Variants in NEDD4 observed in about 807,000 individuals in gnomAD.
NEDD4 encodes NEDD4 E3 ubiquitin protein ligase.
NEDD4 carries 99 observed loss-of-function variants against 144.9 expected under a neutral mutation model. The observed-to-expected ratio is 0.68, with a 90% CI of 0.58 to 0.81. The LOEUF (loss-of-function observed/expected upper bound fraction) is 0.81. Among genes scored for constraint, NEDD4 ranks in the 30% least tolerant of loss-of-function variants. The pLI is 0.00. For missense variants in NEDD4, 985 were observed against 1,065.9 expected (o/e 0.92, Z 1.06); for synonymous variants, 318 against 350.6 (o/e 0.91, Z 1.04).
Position 55,872,487 on chromosome 15 carries a change from A to G in NEDD4, c.343-11T>C. 2 of 1,368,472 alleles carry G rather than the reference A, an allele frequency of 1.5e-6. No homozygotes were observed. The highest frequency in any genetic ancestry group is 5.1e-5 in the Admixed American group (2 of 39,236). 84.8% of individuals were successfully genotyped at this position (1,368,472 alleles called of 1,614,324 possible). The stretch of plus-strand genomic sequence containing the variant: ...TCTTGGATTTTCTGTCTAGAATAAA[A>G]TAGTGGGTTTTCAAAATATATCTAT... On this transcript the variant is annotated splice_polypyrimidine_tract_variant and intron_variant, in intron 6 of 28. Transcript: ENST00000435532.
Position 55,924,716 on chromosome 15 carries a change from CT to C in NEDD4, c.238-18del. ...AGGATGAACCTAAGAAAAACACAAT[CT>C]TTATTTAAAAACAAGTAAACATCAA... On this transcript the variant is annotated intron_variant, in intron 4 of 28. Coordinates refer to ENST00000435532, the MANE Select transcript of NEDD4 (RefSeq NM_006154.4). The C allele has an allele frequency of 6.2e-7, 1 of 1,600,944 alleles. No homozygotes were observed. The highest frequency in any genetic ancestry group is 8.5e-7 in the Non-Finnish European group (1 of 1,173,352).
chr15:55,936,349 T>C (rs1404209104), intron 4 of NEDD4, among the ~76,000 whole-genome samples: 1 of 151,874 alleles, frequency 6.6e-6, no homozygotes, highest in Non-Finnish European at 1.5e-5. Context: ...GAGAAATAGG[T>C]ATAGAAAAAA....
rs1279153866 is a variant in NEDD4, at chr15:55,976,934, A to C, written c.46-10388T>G. Among the ~76,000 whole-genome samples the C allele has an allele frequency of 2.0e-5, 3 of 152,124 alleles. No individual in the cohort carries two copies. In the South Asian group the frequency reaches 6.2e-4, roughly 32 times the overall value. ...AGGTGTGAGCCACCGTGCCTAGCCAACATTTTTAAAATTTTAAAAGATCAA... is the reference window on the plus strand; with the variant it reads ...AGGTGTGAGCCACCGTGCCTAGCCACCATTTTTAAAATTTTAAAAGATCAA... On this transcript the variant is annotated intron_variant, in intron 1 of 28. Coordinates refer to ENST00000435532, the MANE Select transcript of NEDD4 (RefSeq NM_006154.4).
rs747476638 is a variant in NEDD4, at chr15:55,855,447, GA to G, written c.1026+683del. Among the ~76,000 whole-genome samples, 296 of 152,312 alleles carry G rather than the reference GA, an allele frequency of 1.9e-3. 1 individual carries two copies. The highest frequency in any genetic ancestry group is 2.4e-3 in the Non-Finnish European group (166 of 68,034). ...AGGCAGCAGGAGGCTTCTGTTGGGG[GA>G]TAAGGAGAAGGGTAGGCTGAAGAGG... On this transcript the variant is annotated intron_variant, in intron 12 of 28. Transcript: ENST00000435532.
intron 1 of NEDD4, among the ~76,000 whole-genome samples, chr15:55,979,836 TA>T (rs1169445061): frequency 6.6e-6 from 1 of 152,158 alleles, no homozygotes; most frequent in Admixed American, 6.5e-5. Context: ...TCTGAGGCAA[TA>T]AACTTTATGC....
chr15:55,977,601 A>G (rs1336784700), intron 1 of NEDD4, among the ~76,000 whole-genome samples: 1 of 152,178 alleles, frequency 6.6e-6, no homozygotes, highest in Non-Finnish European at 1.5e-5. Flanking sequence ...AAATAAAATT[A>G]AATATATAGC....
At chr15:55,930,929 C>T (rs889194461) in intron 4 of NEDD4, among the ~76,000 whole-genome samples, 1 of 152,102 alleles carries the variant, frequency 6.6e-6, no homozygotes, top group African/African-American at 2.4e-5. Context: ...GTCTTGGGTA[C>T]GTCTTTACTA....
rs777906774 is a variant in NEDD4 at position 55,860,653 on chromosome 15, A to T, written c.792+8T>A. 4 of 1,612,132 alleles carry T rather than the reference A, an allele frequency of 2.5e-6. No homozygotes were observed. Among genetic ancestry groups the T allele is most frequent in the Non-Finnish European group, 3.4e-6 (4 of 1,179,768 alleles). On this transcript the variant is annotated splice_region_variant and intron_variant, in intron 10 of 28. Coordinates refer to ENST00000435532, the MANE Select transcript of NEDD4 (RefSeq NM_006154.4). The stretch of plus-strand genomic sequence containing the variant: ...GTCTTTCAAGGAGAACTAGGAAACT[A>T]CTTATACCTCGGAAGACTCTCGGTT...
chr15:55,838,837 G>A (rs554281148), intron 21 of NEDD4, among the ~76,000 whole-genome samples: 1 of 152,102 alleles, frequency 6.6e-6, no homozygotes, highest in Admixed American at 6.6e-5. Flanking sequence ...TTAATCAATT[G>A]GTGCCTACTT....
At chr15:55,889,981 G>C (rs1331160650) in intron 5 of NEDD4, among the ~76,000 whole-genome samples, 1 of 152,116 alleles carries the variant, frequency 6.6e-6, no homozygotes, top group African/African-American at 2.4e-5. Flanking sequence ...AGGATTACAG[G>C]CATGAACCAC....
chr15:55,845,606 T>C (rs1314388063), intron 18 of NEDD4, among the ~76,000 whole-genome samples: 1 of 152,050 alleles, frequency 6.6e-6, no homozygotes, highest in African/African-American at 2.4e-5. Context: ...AATTAGATAC[T>C]ACAACATGTT....
At chr15:55,964,938 G>A (rs569048687) in intron 2 of NEDD4, among the ~76,000 whole-genome samples, 3 of 151,722 alleles carry the variant, frequency 2.0e-5, no homozygotes, top group Non-Finnish European at 4.4e-5. Flanking sequence ...AAAAGAGGCT[G>A]GCACACCTCC....
intron 5 of NEDD4, among the ~76,000 whole-genome samples, chr15:55,886,753 G>A (rs1197639875): frequency 1.2e-4 from 15 of 120,646 alleles, no homozygotes; most frequent in Admixed American, 2.7e-4. Context: ...GCAAGACTCC[G>A]TCTCAAAAAA....
chr15:55,929,201 T>C (rs1434535891), intron 4 of NEDD4, among the ~76,000 whole-genome samples: 1 of 152,136 alleles, frequency 6.6e-6, no homozygotes, highest in Non-Finnish European at 1.5e-5. Flanking sequence ...AATACCACCT[T>C]AGCCTCCAGA....
intron 1 of NEDD4, among the ~76,000 whole-genome samples, chr15:55,986,985 C>G (rs1210084639): frequency 6.6e-6 from 1 of 150,816 alleles, no homozygotes; most frequent in African/African-American, 2.4e-5. Flanking sequence ...GGGTATATAC[C>G]CAGTAATGGG....
chr15:55,949,015 G>A (rs2037179049), intron 4 of NEDD4, among the ~76,000 whole-genome samples: 1 of 152,138 alleles, frequency 6.6e-6, no homozygotes, highest in Non-Finnish European at 1.5e-5. Flanking sequence ...GCATGAACAG[G>A]CAACCTATAG....
At chr15:55,831,714 G>C (rs2032958836) in intron 27 of NEDD4, among the ~76,000 whole-genome samples, 1 of 152,150 alleles carries the variant, frequency 6.6e-6, no homozygotes, top group South Asian at 2.1e-4. Context: ...ATTTGCCATG[G>C]AGAAGAAAGG....
chr15:55,894,693 A>G (rs1410200014), intron 5 of NEDD4, among the ~76,000 whole-genome samples: 1 of 152,156 alleles, frequency 6.6e-6, no homozygotes, highest in Non-Finnish European at 1.5e-5. Flanking sequence ...GTGAAAACAG[A>G]TGATTTACCT....
chr15:55,905,143 A>T (rs2036048570), intron 5 of NEDD4: 1 of 343,640 alleles, frequency 2.9e-6, no homozygotes, highest in Non-Finnish European at 5.7e-6. Context: ...ATTTACTGCA[A>T]ATGAATTAAA....
Sources: allele counts gnomAD v4.1 joint callset (sites outside exome capture counted in the v4.1 genomes callset), GRCh38; gene constraint gnomAD v4.1.1; transcripts MANE v1.5; gene names NCBI Gene and HGNC (gene_info 2026-07-23, HGNC 2026-07-21).